The following EPHA6 variants were observed in gnomAD, a reference collection of about 807,000 sequenced individuals.
EPHA6 encodes EPH receptor A6.
In EPHA6, 50 loss-of-function variants were observed where a neutral mutation model predicts 112.0. The observed-to-expected ratio is 0.45, with a 90% CI of 0.36 to 0.56. The LOEUF (loss-of-function observed/expected upper bound fraction) is 0.56, where lower values mean the gene tolerates loss of function less well. Ranked by LOEUF, EPHA6 falls within the 20% of genes least tolerant of loss-of-function variation. The pLI is 0.00. For synonymous variants in EPHA6, 529 were observed against 490.7 expected, an observed-to-expected ratio of 1.08 and a Z score of -1.03; for missense variants, 1,280 against 1,417.4, an observed-to-expected ratio of 0.90 and a Z score of 1.56.
intron 2 of EPHA6, among the ~76,000 whole-genome samples, chr3:96,867,745 T>G (rs2036400258): frequency 6.6e-6 from 1 of 152,014 alleles, no homozygotes; most frequent in African/African-American, 2.4e-5. Context: ...ATCTTCAAAT[T>G]TAAACCTCAA....
At chr3:97,111,360 A>C (rs937386027) in intron 3 of EPHA6, among the ~76,000 whole-genome samples, 1 of 152,118 alleles carries the variant, frequency 6.6e-6, no homozygotes, top group Non-Finnish European at 1.5e-5. Context: ...TGTATTTGAC[A>C]TGTACCTGGT....
intron 5 of EPHA6, among the ~76,000 whole-genome samples, chr3:97,320,811 G>GAAAAAAA: frequency 7.8e-6 from 1 of 128,678 alleles, no homozygotes. Context: ...TGTGTTCTCT[G>GAAAAAAA]GGGGCAAAAA....
chr3:97,677,542 G>A (rs375874158), intron 14 of EPHA6, among the ~76,000 whole-genome samples: 7 of 151,608 alleles, frequency 4.6e-5, no homozygotes, highest in Non-Finnish European at 1.0e-4. Context: ...CCAACATGGC[G>A]AAACCTTGTC....
intron 2 of EPHA6, among the ~76,000 whole-genome samples, chr3:96,965,225 G>T (rs900591553): frequency 6.6e-6 from 1 of 152,066 alleles, no homozygotes; most frequent in African/African-American, 2.4e-5. Context: ...TATTAAGCTA[G>T]GTTACAGTTC....
chr3:97,712,117 C>G (rs2033997606), intron 14 of EPHA6, among the ~76,000 whole-genome samples: 1 of 152,120 alleles, frequency 6.6e-6, no homozygotes, highest in African/African-American at 2.4e-5. Flanking sequence ...ATCTTTCACT[C>G]CCCTTTATGA....
rs544539931 is a variant in EPHA6, at chr3:97,654,235, A to T, written c.2784+16153A>T. ...ATGTATATTAAAAACATCAAATTTTATACCTTATATATAGATAATTTTTTG... is the reference window on the plus strand; with the variant it reads ...ATGTATATTAAAAACATCAAATTTTTTACCTTATATATAGATAATTTTTTG... On this transcript the variant is annotated intron_variant, in intron 14 of 17. Transcript: ENST00000389672. Among the ~76,000 whole-genome samples, 12 of 152,072 alleles carry T rather than the reference A, an allele frequency of 7.9e-5. No homozygotes were observed. In the South Asian group the frequency reaches 2.3e-3, roughly 29 times the overall value.
At chr3:96,828,230 A>C (rs2033793673) in intron 1 of EPHA6, among the ~76,000 whole-genome samples, 1 of 152,174 alleles carries the variant, frequency 6.6e-6, no homozygotes, top group African/African-American at 2.4e-5. Flanking sequence ...CTATCCTTTT[A>C]GGCTGTTCAG....
intron 6 of EPHA6, among the ~76,000 whole-genome samples, chr3:97,417,740 T>C (rs944738132): frequency 2.0e-5 from 3 of 152,122 alleles, no homozygotes; most frequent in Non-Finnish European, 1.5e-5. Context: ...GGCCACTGGC[T>C]AGGAGGGAGA....
chr3:97,270,673 AGACT>A (rs2079848421), intron 5 of EPHA6, among the ~76,000 whole-genome samples: 1 of 152,256 alleles, frequency 6.6e-6, no homozygotes, highest in South Asian at 2.1e-4. Flanking sequence ...AAGTGCATCA[AGACT>A]GACTGCTTTT....
chr3:96,844,617 A>C (rs2034960787), intron 1 of EPHA6, among the ~76,000 whole-genome samples: 1 of 152,002 alleles, frequency 6.6e-6, no homozygotes, highest in South Asian at 2.1e-4. Flanking sequence ...TTTGATCAGA[A>C]AACAGTGAAA....
intron 15 of EPHA6, among the ~76,000 whole-genome samples, chr3:97,724,132 T>C (rs1375325324): frequency 6.6e-6 from 1 of 152,202 alleles, no homozygotes; most frequent in Non-Finnish European, 1.5e-5. Context: ...TTCATACAGA[T>C]CAAATGGAAT....
At chr3:97,190,811 T>C (rs962310381) in intron 3 of EPHA6, among the ~76,000 whole-genome samples, 1 of 151,984 alleles carries the variant, frequency 6.6e-6, no homozygotes, top group Non-Finnish European at 1.5e-5. Flanking sequence ...GGCACATGTA[T>C]ACATATGTAA....
intron 10 of EPHA6, among the ~76,000 whole-genome samples, chr3:97,517,567 T>C (rs1360110919): frequency 6.6e-6 from 1 of 152,134 alleles, no homozygotes; most frequent in East Asian, 1.9e-4. Flanking sequence ...TTAAAAAATT[T>C]GTTACTTCAC....
At chr3:96,866,755 T>C in intron 1 of EPHA6, 70 bp from the exon 2 acceptor site, 1 of 814,910 alleles carries the variant, frequency 1.2e-6, no homozygotes, top group Non-Finnish European at 1.9e-6. Flanking sequence ...TTATTATAAC[T>C]TTAATAATTT....
chr3:96,999,168 G>A (rs2043536074), intron 3 of EPHA6, among the ~76,000 whole-genome samples: 1 of 151,806 alleles, frequency 6.6e-6, no homozygotes. Flanking sequence ...AATTGTAGTA[G>A]GCTGACTTTC....
intron 14 of EPHA6, among the ~76,000 whole-genome samples, chr3:97,712,722 T>G (rs1302496477): frequency 3.3e-5 from 5 of 152,200 alleles, no homozygotes; most frequent in Admixed American, 2.6e-4. Flanking sequence ...AGGAGCAATT[T>G]AAGAGGAAGC....
intron 5 of EPHA6, among the ~76,000 whole-genome samples, chr3:97,277,220 G>A (rs1249649822): frequency 6.6e-6 from 1 of 152,038 alleles, no homozygotes; most frequent in Non-Finnish European, 1.5e-5. Context: ...GGCTGAGTCC[G>A]AAAAGAGAGT....
chr3:96,986,266 A>G (rs141193420), intron 2 of EPHA6, among the ~76,000 whole-genome samples: 1 of 152,340 alleles, frequency 6.6e-6, no homozygotes, highest in East Asian at 1.9e-4. Flanking sequence ...CTTTCTATGC[A>G]ATCAAGTGGC....
chr3:96,905,442 G>A (rs1459410775), intron 2 of EPHA6, among the ~76,000 whole-genome samples: 1 of 151,830 alleles, frequency 6.6e-6, no homozygotes, highest in South Asian at 2.1e-4. Context: ...CTAGCATCCT[G>A]AATTCCTCTG....
Sources: allele counts gnomAD v4.1 joint callset (sites outside exome capture counted in the v4.1 genomes callset), GRCh38; gene constraint gnomAD v4.1.1; transcripts MANE v1.5; gene names NCBI Gene and HGNC (gene_info 2026-07-23, HGNC 2026-07-21).